The following PLEKHA8 variants were observed in gnomAD, a reference collection of about 807,000 sequenced individuals.
PLEKHA8 encodes the protein pleckstrin homology domain-containing family A member 8.
Under a neutral mutation model 68.2 loss-of-function variants are expected in PLEKHA8, and 36 were observed. That is an observed-to-expected ratio of 0.53 (90% CI 0.40 to 0.70). PLEKHA8 has a LOEUF of 0.70. Among genes scored for constraint, PLEKHA8 ranks in the 30% least tolerant of loss-of-function variants. PLEKHA8 has a pLI of 0.00. For missense variants in PLEKHA8, 505 were observed against 615.4 expected, an observed-to-expected ratio of 0.82 and a Z score of 1.90; for synonymous variants, 211 against 216.1, an observed-to-expected ratio of 0.98 and a Z score of 0.20.
intron 13 of PLEKHA8, among the ~76,000 whole-genome samples, chr7:30,111,889 G>A (rs1554282224): frequency 6.6e-6 from 1 of 152,158 alleles, no homozygotes; most frequent in Non-Finnish European, 1.5e-5. Context: ...TTTAAAAATA[G>A]ACTCTCAGAT....
chr7:30,030,721 G>A (rs1343081637), intron 1 of PLEKHA8, among the ~76,000 whole-genome samples: 1 of 152,208 alleles, frequency 6.6e-6, no homozygotes, highest in African/African-American at 2.4e-5. Context: ...TGATGGTTCG[G>A]CATATTCTCT....
In PLEKHA8 at chr7:30,080,977, A is replaced by G. The variant is rs1452587881; in HGVS notation, c.*2190A>G. 1 of 985,228 alleles carries G rather than the reference A, an allele frequency of 1.0e-6. No homozygotes were observed. The highest frequency in any genetic ancestry group is 1.2e-6 in the Non-Finnish European group (1 of 829,910). The allele number at this position is 985,228 out of a possible 1,614,324, so 61.0% of individuals were successfully genotyped here. A position where few individuals can be genotyped will look rare whatever the true frequency, so the allele number is the denominator to read the frequency against. ...TAAACAGCTGCTGGTGCTCCCTGTCACCTCAGGTGAACTCTGTGGTCTCTT... is the reference window on the plus strand; with the variant it reads ...TAAACAGCTGCTGGTGCTCCCTGTCGCCTCAGGTGAACTCTGTGGTCTCTT... On this transcript the variant is annotated 3_prime_UTR_variant, in exon 14 of 14. Coordinates refer to ENST00000449726, the MANE Select transcript of PLEKHA8 (RefSeq NM_001197026.2).
chr7:30,074,470 A>G (rs375350396), intron 13 of PLEKHA8, among the ~76,000 whole-genome samples: 14 of 152,312 alleles, frequency 9.2e-5, no homozygotes, highest in South Asian at 4.1e-4. Flanking sequence ...GCCAATTCCA[A>G]TGACCTTGTG....
chr7:30,045,018 T>G (rs1028575427), intron 1 of PLEKHA8, 67 bp from the exon 2 acceptor site: 9 of 1,105,190 alleles, frequency 8.1e-6, no homozygotes, highest in Non-Finnish European at 1.2e-5. Context: ...AGGCTCTATT[T>G]CTGTATCTTG....
Position 30,052,695 on chromosome 7 carries a change from TA to T in PLEKHA8, c.639-8del. 2 of 1,526,380 alleles carry T rather than the reference TA, an allele frequency of 1.3e-6. No homozygotes were observed. The highest frequency in any genetic ancestry group is 1.7e-6 in the Non-Finnish European group (2 of 1,144,294). 94.6% of individuals were successfully genotyped at this position (1,526,380 alleles called of 1,614,324 possible). On this transcript the variant is annotated splice_polypyrimidine_tract_variant and intron_variant, in intron 6 of 13. Transcript: ENST00000449726. ...ACGACCTTCTGGCTTTTTTTCCTTT[TA>T]AAAAATTTGCAGGCAAATGGAGTTG...
At chr7:30,059,997 C>T (rs1466325316) in intron 9 of PLEKHA8, among the ~76,000 whole-genome samples, 3 of 149,736 alleles carry the variant, frequency 2.0e-5, no homozygotes, top group Non-Finnish European at 3.0e-5. Flanking sequence ...TCTTGGCCAA[C>T]GTGATGGCAC....
At position 30,054,797 on chromosome 7, in the gene PLEKHA8, C is replaced by T; in HGVS notation, c.885C>T (p.Cys295=). The T allele has an allele frequency of 3.7e-6, 6 of 1,611,852 alleles. No homozygotes were observed. Among genetic ancestry groups the T allele is most frequent in the Non-Finnish European group, 5.1e-6 (6 of 1,178,440 alleles). The change falls in exon 8 of 14, where the codon TGC becomes TGT. Residue 295 remains cysteine, a synonymous_variant. Transcript: ENST00000449726. ...NLTQSGSDSS[C]SPECLWEEGK... ...CTCAGTCTGGATCAGACTCAAGTTG[C>T]TCTCCGGAATGCCTCTGGGAGGAAG... is the stretch of plus-strand genomic sequence containing the variant.
chr7:30,060,269 C>T (rs986956424), intron 9 of PLEKHA8, among the ~76,000 whole-genome samples: 2 of 151,998 alleles, frequency 1.3e-5, no homozygotes, highest in South Asian at 2.1e-4. Flanking sequence ...TGGTGAAGCC[C>T]GTCTCTACTG....
chr7:30,071,528 A>C (rs1452980678), intron 12 of PLEKHA8, among the ~76,000 whole-genome samples: 2 of 152,108 alleles, frequency 1.3e-5, no homozygotes, highest in East Asian at 3.9e-4. Flanking sequence ...ACAGATAGCT[A>C]CTCTAGCAGT....
intron 13 of PLEKHA8, among the ~76,000 whole-genome samples, chr7:30,102,606 G>A (rs1040533904): frequency 3.3e-5 from 5 of 152,226 alleles, no homozygotes; most frequent in Admixed American, 6.5e-5. Flanking sequence ...AAAGGAATCA[G>A]GATCTGAAAC....
chr7:30,037,418 C>T (rs1407929225), intron 1 of PLEKHA8, among the ~76,000 whole-genome samples: 2 of 152,118 alleles, frequency 1.3e-5, no homozygotes, highest in Admixed American at 6.5e-5. Context: ...ATCCTTCTGC[C>T]TCATGAGCCA....
At chr7:30,112,392 A>T (rs1796302292) in intron 13 of PLEKHA8, among the ~76,000 whole-genome samples, 1 of 152,190 alleles carries the variant, frequency 6.6e-6, no homozygotes, top group South Asian at 2.1e-4. Flanking sequence ...TAAAAAAAAA[A>T]AACCTTAAAA....
intron 13 of PLEKHA8, among the ~76,000 whole-genome samples, chr7:30,099,323 ACT>A (rs2128010392): frequency 6.6e-6 from 1 of 152,098 alleles, no homozygotes; most frequent in East Asian, 1.9e-4. Flanking sequence ...CATCAGAAAC[ACT>A]CTGCTCTCCA....
At chr7:30,049,419 C>T in intron 5 of PLEKHA8, 37 bp downstream of exon 5, 1 of 1,600,758 alleles carries the variant, frequency 6.2e-7, no homozygotes, top group Middle Eastern at 1.7e-4. Flanking sequence ...AACAAGGCAT[C>T]AAGAAAAGTT....
At position 30,045,141 on chromosome 7, in the gene PLEKHA8, C is replaced by T. The variant is rs751421537; in HGVS notation, c.97C>T (p.Pro33Ser). 1.2e-6 allele frequency: 2 copies of T among 1,611,848 alleles called. No individual in the cohort carries two copies. The highest frequency in any genetic ancestry group is 1.7e-6 in the Non-Finnish European group (2 of 1,179,002). ...GGGAATATTGTCCTATTATGATTCTCCTGAAGATGCCTGGAAAGGTTGCAA... is the reference window on the plus strand; with the variant it reads ...GGGAATATTGTCCTATTATGATTCTTCTGAAGATGCCTGGAAAGGTTGCAA... ...CGGILSYYDS[P>S]EDAWKGCKGS... Residue 33 changes from proline (P) to serine (S), a missense_variant, in exon 2 of 14, where the codon CCT (proline) becomes TCT (serine). By Grantham distance (74) the Pro-to-Ser change is moderately conservative. Transcript: ENST00000449726.
intron 13 of PLEKHA8, among the ~76,000 whole-genome samples, chr7:30,098,845 C>T (rs544179408): frequency 6.6e-6 from 1 of 152,356 alleles, no homozygotes; most frequent in South Asian, 2.1e-4. Context: ...GTCCGGCACT[C>T]CCCAGTGAGA....
At chr7:30,051,959 C>T (rs1377460763) in intron 6 of PLEKHA8, among the ~76,000 whole-genome samples, 2 of 151,922 alleles carry the variant, frequency 1.3e-5, no homozygotes, top group Non-Finnish European at 2.9e-5. Flanking sequence ...GGTGACAGAG[C>T]GAGACTCCAT....
intron 13 of PLEKHA8, among the ~76,000 whole-genome samples, chr7:30,118,847 G>A (rs1057277213): frequency 6.6e-5 from 10 of 152,180 alleles, no homozygotes; most frequent in African/African-American, 1.7e-4. Context: ...CTTTCTCCAC[G>A]TCTCCCATTC....
intron 7 of PLEKHA8, among the ~76,000 whole-genome samples, chr7:30,053,816 A>AAATT (rs1379910069): frequency 6.6e-6 from 1 of 152,188 alleles, no homozygotes; most frequent in Non-Finnish European, 1.5e-5. Flanking sequence ...AGCAAATACT[A>AAATT]AACTCTTGCT....
Sources: allele counts gnomAD v4.1 joint callset (sites outside exome capture counted in the v4.1 genomes callset), GRCh38; gene constraint gnomAD v4.1.1; transcripts MANE v1.5; gene names NCBI Gene and HGNC (gene_info 2026-07-23, HGNC 2026-07-21).